The following PRKG1 variants were observed in gnomAD, a reference collection of about 807,000 sequenced individuals.
The protein encoded by PRKG1 is cGMP-dependent protein kinase 1.
A neutral mutation model predicts 88.1 loss-of-function variants in PRKG1; 35 were observed. That is an observed-to-expected ratio of 0.40 (90% CI 0.30 to 0.53). The LOEUF (loss-of-function observed/expected upper bound fraction) is 0.53. Among genes scored for constraint, PRKG1 ranks in the 20% least tolerant of loss-of-function variants. The pLI, the probability that PRKG1 is intolerant of heterozygous loss-of-function variation, is 0.59. For synonymous variants in PRKG1, 303 were observed against 292.5 expected, an observed-to-expected ratio of 1.04 and a Z score of -0.37; for missense variants, 540 against 839.8, an observed-to-expected ratio of 0.64 and a Z score of 4.41.
At chr10:51,501,790 C>CT (rs5784871) in intron 3 of PRKG1, among the ~76,000 whole-genome samples, 33,111 of 113,740 alleles carry the variant, frequency 0.29, 5,432 homozygotes, top group East Asian at 0.72. Flanking sequence ...ACTTTAGTTT[C>CT]TTTTTTTTTT....
At chr10:51,517,933 A>G (rs1841631584) in intron 3 of PRKG1, among the ~76,000 whole-genome samples, 1 of 152,178 alleles carries the variant, frequency 6.6e-6, no homozygotes, top group Non-Finnish European at 1.5e-5. Context: ...CTCATGATGC[A>G]GCCCTAAGGA....
intron 1 of PRKG1, among the ~76,000 whole-genome samples, chr10:51,037,850 C>A (rs896528560): frequency 3.9e-5 from 6 of 151,982 alleles, no homozygotes; most frequent in Admixed American, 6.5e-5. Flanking sequence ...ACAAAGTGTA[C>A]ATTCAAAGGC....
chr10:52,157,429 C>T (rs1330467095), intron 8 of PRKG1, among the ~76,000 whole-genome samples: 3 of 149,956 alleles, frequency 2.0e-5, no homozygotes, highest in South Asian at 2.1e-4. Flanking sequence ...GATGTTTGGA[C>T]TGCCTTTCTA....
intron 3 of PRKG1, among the ~76,000 whole-genome samples, chr10:51,777,049 A>C (rs1052228558): frequency 1.2e-4 from 18 of 152,004 alleles, no homozygotes; most frequent in Admixed American, 2.6e-4. Context: ...CTCATTTAAT[A>C]CTCCCAGAAT....
At chr10:51,960,611 G>A (rs749312664) in intron 5 of PRKG1, among the ~76,000 whole-genome samples, 103 of 151,398 alleles carry the variant, frequency 6.8e-4, no homozygotes, top group Non-Finnish European at 7.5e-4. Context: ...AAATAAAGAC[G>A]ACGTAACCAG....
chr10:52,100,086 C>T (rs1283852319), intron 7 of PRKG1, among the ~76,000 whole-genome samples: 1 of 151,984 alleles, frequency 6.6e-6, no homozygotes, highest in Non-Finnish European at 1.5e-5. Flanking sequence ...GAATCTTGTC[C>T]CAGGATTATG....
At chr10:52,269,460 G>A (rs765297819) in intron 10 of PRKG1, among the ~76,000 whole-genome samples, 4 of 151,966 alleles carry the variant, frequency 2.6e-5, no homozygotes, top group African/African-American at 4.8e-5. Flanking sequence ...GCAGCTAACC[G>A]AGGCCCATTT....
intron 3 of PRKG1, among the ~76,000 whole-genome samples, chr10:51,598,386 G>C (rs1277543465): frequency 1.3e-5 from 2 of 152,154 alleles, no homozygotes; most frequent in Non-Finnish European, 2.9e-5. Flanking sequence ...AGATTCTCCT[G>C]CCTTAGCCTC....
intron 9 of PRKG1, among the ~76,000 whole-genome samples, chr10:52,179,725 C>G (rs1386171181): frequency 2.6e-5 from 4 of 152,108 alleles, no homozygotes; most frequent in African/African-American, 7.2e-5. Context: ...GTCTTGCACT[C>G]TCACCTGGGC....
At chr10:51,854,809 G>A (rs1840639195) in intron 4 of PRKG1, among the ~76,000 whole-genome samples, 2 of 152,048 alleles carry the variant, frequency 1.3e-5, no homozygotes, top group South Asian at 4.1e-4. Context: ...TTGGTACAAC[G>A]AGTTTATAAA....
At chr10:51,210,677 C>T (rs1172054776) in intron 2 of PRKG1, among the ~76,000 whole-genome samples, 2 of 152,302 alleles carry the variant, frequency 1.3e-5, no homozygotes, top group East Asian at 3.9e-4. Context: ...TCAGAGAATA[C>T]TGTAAACACC....
At position 51,128,857 on chromosome 10, in the gene PRKG1, C is replaced by T. The variant is rs548379106; in HGVS notation, c.312-24307C>T. On this transcript the variant is annotated intron_variant, in intron 1 of 17. Coordinates refer to ENST00000373980, the MANE Select transcript of PRKG1 (RefSeq NM_006258.4). ...TCTCAAGCTTAGCATTAATAACCAT[C>T]GATTTGGCAACAAAGACGTTAATTC... 9.9e-5 allele frequency among the ~76,000 whole-genome samples: 15 copies of T among 152,216 alleles called. No individual in the cohort carries two copies. The East Asian group carries it at 2.5e-3, about 25-fold the overall frequency.
chr10:52,217,995 C>A (rs141073018), intron 9 of PRKG1, among the ~76,000 whole-genome samples: 1,700 of 152,086 alleles, frequency 0.011, 7 homozygotes, highest in Middle Eastern at 0.041. Flanking sequence ...AGGTGGTTCA[C>A]AAGGTCAGGA....
At chr10:51,261,457 A>G (rs917217443) in intron 2 of PRKG1, among the ~76,000 whole-genome samples, 7 of 152,364 alleles carry the variant, frequency 4.6e-5, no homozygotes, top group Admixed American at 2.6e-4. Context: ...AAGATAGTGA[A>G]TAGAATTTGA....
chr10:52,133,703 T>G (rs1199626409), intron 7 of PRKG1, 137 bp from the exon 8 acceptor site: 5 of 659,326 alleles, frequency 7.6e-6, no homozygotes, highest in African/African-American at 3.7e-5. Flanking sequence ...TTTTGAAACA[T>G]AAACAAAGCT....
At chr10:52,231,912 A>G (rs1207643350) in intron 9 of PRKG1, among the ~76,000 whole-genome samples, 1 of 152,206 alleles carries the variant, frequency 6.6e-6, no homozygotes, top group Non-Finnish European at 1.5e-5. Context: ...AGCTTCATGC[A>G]TAGGATGGAA....
At chr10:51,630,642 A>G (rs545319324) in intron 3 of PRKG1, among the ~76,000 whole-genome samples, 1 of 152,298 alleles carries the variant, frequency 6.6e-6, no homozygotes, top group Non-Finnish European at 1.5e-5. Context: ...AGGCTCATCA[A>G]CCTGGATTGC....
At chr10:52,054,010 CAAATA>C (rs1564449007) in intron 5 of PRKG1, among the ~76,000 whole-genome samples, 3 of 151,980 alleles carry the variant, frequency 2.0e-5, no homozygotes, top group Admixed American at 6.6e-5. Flanking sequence ...ATGAGAATGA[CAAATA>C]AAATAATATA....
intron 2 of PRKG1, among the ~76,000 whole-genome samples, chr10:51,455,867 C>T (rs1158178127): frequency 6.6e-6 from 1 of 152,188 alleles, no homozygotes; most frequent in East Asian, 1.9e-4. Context: ...CTGTCTTCTT[C>T]TGAGCCCTGA....
Sources: gnomAD v4.1 joint callset for allele counts (sites outside exome capture counted in the v4.1 genomes callset) on GRCh38, gnomAD v4.1.1 for gene constraint, MANE v1.5 for transcripts, NCBI Gene and HGNC (gene_info 2026-07-23, HGNC 2026-07-21) for gene names.